Variants in GNG2 observed in about 807,000 individuals in gnomAD.
The protein encoded by GNG2 is G protein subunit gamma 2, also known as guanine nucleotide-binding protein G(I)/G(S)/G(O) subunit gamma-2.
GNG2 carries 5 observed loss-of-function variants against 5.5 expected under a neutral mutation model. The ratio of observed to expected loss-of-function variants is 0.91; its 90% CI spans 0.48 to 1.92. GNG2 has a LOEUF of 1.92. Ranked by LOEUF, GNG2 falls within the 30% of genes most tolerant of loss-of-function variation. The pLI, the probability that GNG2 is intolerant of heterozygous loss-of-function variation, is 0.01. For missense variants in GNG2, 55 were observed against 88.4 expected (o/e 0.62, Z 1.52); for synonymous variants, 28 against 32.0 (o/e 0.88, Z 0.42).
chr14:51,846,959 G>A (rs1881645300), intron 2 of GNG2, among the ~76,000 whole-genome samples: 2 of 152,132 alleles, frequency 1.3e-5, no homozygotes, highest in Admixed American at 1.3e-4. Flanking sequence ...CAGCGGCTGG[G>A]ATCCCACTGC....
intron 2 of GNG2, among the ~76,000 whole-genome samples, chr14:51,940,658 C>T (rs1468038167): frequency 6.6e-6 from 1 of 151,416 alleles, no homozygotes; most frequent in Admixed American, 6.6e-5. Context: ...CCAGATCCTC[C>T]GGGGCTTGTA....
In GNG2 at chr14:51,925,935, A is replaced by G. The variant is rs570886131; in HGVS notation, c.-29-24715A>G. On this transcript the variant is annotated intron_variant, in intron 2 of 3. Transcript: ENST00000556766. ...CCGCACCTGGCCTGAAGTCTTAAAT[A>G]TACTTGGAGAGGTGAGGATGAAGTA... is the stretch of plus-strand genomic sequence containing the variant. Among the ~76,000 whole-genome samples the G allele has an allele frequency of 6.9e-4, 105 of 152,094 alleles. 2 individuals carry two copies. The South Asian group carries it at 0.021, about 31-fold the overall frequency.
intron 2 of GNG2, among the ~76,000 whole-genome samples, chr14:51,937,357 A>C (rs189833640): frequency 6.6e-6 from 1 of 152,182 alleles, no homozygotes; most frequent in East Asian, 1.9e-4. Flanking sequence ...TGCAGTGTAG[A>C]TCATGAGAAA....
intron 1 of GNG2, among the ~76,000 whole-genome samples, chr14:51,864,426 G>C (rs1265038612): frequency 7.2e-5 from 11 of 152,104 alleles, no homozygotes; most frequent in Admixed American, 7.2e-4. Flanking sequence ...CAAATGGCAG[G>C]ATCTTTTAAC....
chr14:51,920,350 T>C (rs1292324108), intron 2 of GNG2, among the ~76,000 whole-genome samples: 1 of 151,062 alleles, frequency 6.6e-6, no homozygotes, highest in Non-Finnish European at 1.5e-5. Flanking sequence ...TAATACCTAA[T>C]ACAATATAAT....
intron 2 of GNG2, among the ~76,000 whole-genome samples, chr14:51,898,633 T>G (rs1885355424): frequency 6.6e-6 from 1 of 152,106 alleles, no homozygotes; most frequent in South Asian, 2.1e-4. Flanking sequence ...GAATTAAAAA[T>G]AACTAAAAAT....
chr14:51,884,213 T>C (rs1884288418), intron 2 of GNG2, among the ~76,000 whole-genome samples: 2 of 152,310 alleles, frequency 1.3e-5, no homozygotes, highest in East Asian at 3.9e-4. Flanking sequence ...AAAATGTGCC[T>C]TTTAAAACTG....
At chr14:51,858,354 C>T (rs1882258934), upstream of GNG2, among the ~76,000 whole-genome samples, 1 of 152,162 alleles carries the variant, frequency 6.6e-6, no homozygotes. Flanking sequence ...TTGTTGGCAC[C>T]TCCCAACACT....
intron 2 of GNG2, among the ~76,000 whole-genome samples, chr14:51,836,362 G>T (rs193085271): frequency 1.3e-5 from 2 of 152,196 alleles, no homozygotes; most frequent in African/African-American, 4.8e-5. Context: ...ACTAGATTTG[G>T]AAGTGGTCTC....
intron 2 of GNG2, among the ~76,000 whole-genome samples, chr14:51,948,600 G>A (rs879894800): frequency 1.3e-5 from 2 of 152,184 alleles, no homozygotes; most frequent in South Asian, 4.1e-4. Flanking sequence ...TTAGATGTTT[G>A]TTTAATTGTG....
At chr14:51,829,707 C>G (rs559663302) in intron 2 of GNG2, among the ~76,000 whole-genome samples, 10 of 152,152 alleles carry the variant, frequency 6.6e-5, no homozygotes, top group Non-Finnish European at 1.0e-4. Context: ...AAACTCACTC[C>G]TGTCAGGATT....
At chr14:51,890,689 A>T (rs1427165111) in intron 2 of GNG2, among the ~76,000 whole-genome samples, 1 of 152,222 alleles carries the variant, frequency 6.6e-6, no homozygotes, top group South Asian at 2.1e-4. Flanking sequence ...ATATTTATTC[A>T]GTTATGTATT....
At chr14:51,902,478 T>A (rs1049637335) in intron 2 of GNG2, among the ~76,000 whole-genome samples, 21 of 152,168 alleles carry the variant, frequency 1.4e-4, no homozygotes, top group African/African-American at 4.8e-4. Flanking sequence ...GCTTGATAAA[T>A]GTTAATTAAT....
At chr14:51,907,122 G>A (rs973867075) in intron 2 of GNG2, among the ~76,000 whole-genome samples, 3 of 152,116 alleles carry the variant, frequency 2.0e-5, no homozygotes, top group Admixed American at 6.5e-5. Context: ...CAGGCATGAC[G>A]GCTCCTGGAT....
At chr14:51,887,585 A>G (rs1566665588) in intron 2 of GNG2, among the ~76,000 whole-genome samples, 1 of 152,222 alleles carries the variant, frequency 6.6e-6, no homozygotes, top group Non-Finnish European at 1.5e-5. Flanking sequence ...GTGGATGGGA[A>G]AATTCCCTGA....
At chr14:51,954,779 C>A (rs1378879205) in intron 3 of GNG2, among the ~76,000 whole-genome samples, 2 of 152,114 alleles carry the variant, frequency 1.3e-5, no homozygotes, top group Non-Finnish European at 2.9e-5. Flanking sequence ...AGATGGCTGC[C>A]CATGGTTCCC....
At chr14:51,950,835 C>T (rs1888934397) in intron 3 of GNG2, 70 bp downstream of exon 3, 6 of 854,212 alleles carry the variant, frequency 7.0e-6, no homozygotes, top group African/African-American at 1.8e-5. Flanking sequence ...CCACTCTTTC[C>T]TAGAGAGGGA....
chr14:51,875,922 T>G (rs1284322282), intron 1 of GNG2, among the ~76,000 whole-genome samples: 1 of 150,312 alleles, frequency 6.7e-6, no homozygotes, highest in African/African-American at 2.5e-5. Context: ...TAAAATGCAT[T>G]TTTTCATCAT....
At chr14:51,920,756 T>A (rs1199657576) in intron 2 of GNG2, among the ~76,000 whole-genome samples, 1 of 152,210 alleles carries the variant, frequency 6.6e-6, no homozygotes. Flanking sequence ...GCCTTCACCA[T>A]GAATTTTACC....
Sources: allele counts gnomAD v4.1 joint callset (sites outside exome capture counted in the v4.1 genomes callset), GRCh38; gene constraint gnomAD v4.1.1; transcripts MANE v1.5; gene names NCBI Gene and HGNC (gene_info 2026-07-23, HGNC 2026-07-21).